Variants in CFAP20DC observed in about 807,000 individuals in gnomAD.
CFAP20DC encodes the protein CFAP20 domain containing, also known as protein CFAP20DC.
In CFAP20DC, 84 loss-of-function variants were observed where a neutral mutation model predicts 101.7. The observed-to-expected ratio is 0.83, with a 90% CI of 0.69 to 0.99. The LOEUF is 0.99. Among genes scored for constraint, CFAP20DC ranks in the 50% least tolerant of loss-of-function variants. The pLI is 0.00. For missense variants in CFAP20DC, 1,007 were observed against 970.3 expected, an observed-to-expected ratio of 1.04 and a Z score of -0.50; for synonymous variants, 359 against 351.2, an observed-to-expected ratio of 1.02 and a Z score of -0.25.
At chr3:58,716,864 C>T (rs1199513749), downstream of CFAP20DC, among the ~76,000 whole-genome samples, 4 of 152,074 alleles carry the variant, frequency 2.6e-5, 1 homozygote, top group South Asian at 4.2e-4. Context: ...CATACCCAAA[C>T]GAGGCATATG....
At chr3:58,807,821 A>C (rs1298881997) in intron 14 of CFAP20DC, among the ~76,000 whole-genome samples, 2 of 152,314 alleles carry the variant, frequency 1.3e-5, no homozygotes, top group African/African-American at 2.4e-5. Context: ...TTTGAAAAAA[A>C]TTTAGAAGAA....
chr3:58,875,549 T>C (rs1281409626), intron 7 of CFAP20DC, among the ~76,000 whole-genome samples: 2 of 152,210 alleles, frequency 1.3e-5, no homozygotes, highest in Admixed American at 1.3e-4. Context: ...GGGAGCTCAA[T>C]GTTCAGCTAA....
At chr3:58,883,388 C>G (rs1049008913) in intron 7 of CFAP20DC, among the ~76,000 whole-genome samples, 4 of 152,138 alleles carry the variant, frequency 2.6e-5, no homozygotes, top group African/African-American at 9.7e-5. Flanking sequence ...CAGAAGTTAT[C>G]ATTTCTCTAC....
intron 4 of CFAP20DC, among the ~76,000 whole-genome samples, chr3:58,958,641 C>A (rs1331988596): frequency 6.6e-6 from 1 of 152,200 alleles, no homozygotes; most frequent in African/African-American, 2.4e-5. Flanking sequence ...TTTTTGATCA[C>A]AGCCATTATA....
rs1469687944 is a variant in CFAP20DC, at chr3:58,897,129, TAC to T, written c.551-12422_551-12421del. 1.3e-5 allele frequency among the ~76,000 whole-genome samples: 2 copies of T among 152,250 alleles called. No homozygotes were observed. The highest frequency in any genetic ancestry group is 2.9e-5 in the Non-Finnish European group (2 of 68,040). On this transcript the variant is annotated intron_variant, in intron 6 of 16. Transcript: ENST00000482387. This position sits in a 1 kb window ranked among gnomAD's most constrained non-coding sequence, Gnocchi z 4.4. ...CTTCTTGAATTGAACCCTTTACCAC[TAC>T]ATAATGCCCTTCTTTGTCTTTTTTG...
At chr3:58,974,002 G>C (rs1326717483) in intron 4 of CFAP20DC, among the ~76,000 whole-genome samples, 1 of 152,128 alleles carries the variant, frequency 6.6e-6, no homozygotes, top group Non-Finnish European at 1.5e-5. Context: ...AAGGGAGTCT[G>C]GGTGATTCAT....
intron 6 of CFAP20DC, among the ~76,000 whole-genome samples, chr3:58,906,221 T>TC (rs1293872845): frequency 1.3e-5 from 2 of 152,104 alleles, no homozygotes; most frequent in Non-Finnish European, 2.9e-5. Flanking sequence ...ATCATCACCA[T>TC]CCCCACTACC....
chr3:58,807,094 A>C (rs185825972), intron 14 of CFAP20DC, among the ~76,000 whole-genome samples: 2 of 152,006 alleles, frequency 1.3e-5, no homozygotes, highest in Non-Finnish European at 2.9e-5. Flanking sequence ...GCCCACCACA[A>C]CTCAAGGAGG....
rs1016019224 is a variant in CFAP20DC, at chr3:59,015,891, T to G, written c.278+23666A>C. ...AGAAGCCTGAGGTTGGGATTCTCTT[T>G]TGAAGCAATGGGCGAGGAACATATG... On this transcript the variant is annotated intron_variant, in intron 4 of 16. Coordinates refer to ENST00000482387, the MANE Select transcript of CFAP20DC (RefSeq NM_001394063.1). The surrounding 1 kb of genome is among the most constrained non-coding windows in gnomAD (Gnocchi z 5.4). Among the ~76,000 whole-genome samples the G allele has an allele frequency of 2.0e-5, 3 of 152,098 alleles. No individual in the cohort carries two copies. Among genetic ancestry groups the G allele is most frequent in the Admixed American group, 1.3e-4 (2 of 15,272 alleles).
chr3:58,825,622 A>G (rs1033786401), intron 14 of CFAP20DC, among the ~76,000 whole-genome samples: 4 of 152,156 alleles, frequency 2.6e-5, no homozygotes, highest in East Asian at 1.9e-4. Context: ...AAAATTCATT[A>G]TAACTAACTC....
chr3:59,044,987 GACACACAC>G lies in CFAP20DC; in HGVS notation c.205+1234_205+1241del, dbSNP rs57196071. On this transcript the variant is annotated intron_variant, in intron 3 of 16. Coordinates refer to ENST00000482387, the MANE Select transcript of CFAP20DC (RefSeq NM_001394063.1). Reference sequence around the variant, plus strand: ...GAAATGCAAAAAACCTCCTATTACAGACACACACACACACACACACACACACACACACG... The same window carrying G: ...GAAATGCAAAAAACCTCCTATTACAGACACACACACACACACACACACACG... Among the ~76,000 whole-genome samples, 248 of 139,926 alleles carry G rather than the reference GACACACAC, an allele frequency of 1.8e-3. 1 individual carries two copies. The highest frequency in any genetic ancestry group is 5.9e-3 in the African/African-American group (228 of 38,784). 91.8% of individuals were successfully genotyped at this position (139,926 alleles called of 152,430 possible). A position where few individuals can be genotyped will look rare whatever the true frequency, so the allele number is the denominator to read the frequency against.
Position 58,927,117 on chromosome 3 carries a change from A to G in CFAP20DC, c.393+10531T>C, listed in dbSNP as rs1016685218. Among the ~76,000 whole-genome samples the G allele has an allele frequency of 2.0e-5, 3 of 152,228 alleles. No homozygotes were observed. In the South Asian group the frequency reaches 6.2e-4, roughly 32 times the overall value. ...CTTGCCATTGAAAACCCAAGTTAAA[A>G]GCATAAATTATTATAACTTAAATAT... is the stretch of plus-strand genomic sequence containing the variant. On this transcript the variant is annotated intron_variant, in intron 5 of 16. Transcript: ENST00000482387.
At chr3:58,769,217 C>G (rs551090547) in intron 15 of CFAP20DC, among the ~76,000 whole-genome samples, 22 of 152,252 alleles carry the variant, frequency 1.4e-4, no homozygotes, top group South Asian at 6.2e-4. Context: ...TCTCCCTCCT[C>G]CTCTGATCTT....
At chr3:59,049,203 T>C (rs1285353551) in intron 1 of CFAP20DC, among the ~76,000 whole-genome samples, 1 of 152,190 alleles carries the variant, frequency 6.6e-6, no homozygotes, top group Non-Finnish European at 1.5e-5. Context: ...AATGCATGCA[T>C]TCACTCATTC....
chr3:58,730,459 T>G (rs1445486511), intron 3 of CFAP20DC, among the ~76,000 whole-genome samples: 1 of 152,076 alleles, frequency 6.6e-6, no homozygotes, highest in Non-Finnish European at 1.5e-5. Context: ...TAAGAAATGA[T>G]GGTGGTAGTG....
intron 7 of CFAP20DC, among the ~76,000 whole-genome samples, chr3:58,883,549 C>T (rs2081377302): frequency 6.6e-6 from 1 of 152,140 alleles, no homozygotes; most frequent in Non-Finnish European, 1.5e-5. Flanking sequence ...TCTTACACTT[C>T]CAACAACCTC....
At chr3:58,819,507 C>G (rs1290671716) in intron 14 of CFAP20DC, among the ~76,000 whole-genome samples, 2 of 149,016 alleles carry the variant, frequency 1.3e-5, no homozygotes, top group South Asian at 4.3e-4. Context: ...GAGAATACTA[C>G]AAACACCTCT....
intron 4 of CFAP20DC, 54 bp from the exon 5 acceptor site, chr3:58,937,816 T>G: frequency 1.1e-6 from 1 of 937,530 alleles, no homozygotes; most frequent in Non-Finnish European, 1.7e-6. Context: ...TAATAACCAC[T>G]TCTTTGGATA....
At chr3:58,937,177 C>G (rs555272466) in intron 5 of CFAP20DC, among the ~76,000 whole-genome samples, 46 of 152,242 alleles carry the variant, frequency 3.0e-4, no homozygotes, top group Non-Finnish European at 1.6e-4. Context: ...CCTTAGGGCT[C>G]TTTTTCAATC....
Sources: gnomAD v4.1 joint callset for allele counts (sites outside exome capture counted in the v4.1 genomes callset) on GRCh38, gnomAD v4.1.1 for gene constraint, Gnocchi (gnomAD v3.1) non-coding constraint, MANE v1.5 for transcripts, NCBI Gene and HGNC (gene_info 2026-07-23, HGNC 2026-07-21) for gene names.